The following KIRREL3 variants were observed in gnomAD, a reference collection of about 807,000 sequenced individuals.
KIRREL3 encodes kirre like nephrin family adhesion molecule 3, also known as kin of IRRE-like protein 3.
A neutral mutation model predicts 89.7 loss-of-function variants in KIRREL3; 36 were observed. The ratio of observed to expected loss-of-function variants is 0.40; its 90% CI spans 0.31 to 0.53. The LOEUF is 0.53. Among genes scored for constraint, KIRREL3 ranks in the 20% least tolerant of loss-of-function variants. The pLI is 0.49. For synonymous variants in KIRREL3, 445 were observed against 441.4 expected, an observed-to-expected ratio of 1.01 and a Z score of -0.10; for missense variants, 864 against 1,056.6, an observed-to-expected ratio of 0.82 and a Z score of 2.53.
In KIRREL3 at chr11:126,969,539, G is replaced by C. The variant is rs1379162780; in HGVS notation, c.55+30916C>G. On this transcript the variant is annotated intron_variant, in intron 1 of 16. Transcript: ENST00000525144. This position sits in a 1 kb window ranked among gnomAD's most constrained non-coding sequence, Gnocchi z 4.9. ...AGGGCGGAGGCTGTGGGTAGCAATG[G>C]AGCATGGTGTGTTCAGAGCCAGCCA... Among the ~76,000 whole-genome samples the C allele has an allele frequency of 6.6e-6, 1 of 152,120 alleles. No homozygotes were observed. The highest frequency in any genetic ancestry group is 2.4e-5 in the African/African-American group (1 of 41,414).
intron 1 of KIRREL3, among the ~76,000 whole-genome samples, chr11:126,913,483 A>T (rs1006163010): frequency 1.3e-5 from 2 of 152,218 alleles, no homozygotes; most frequent in East Asian, 3.9e-4. Context: ...ACTGACTGTA[A>T]ACGCAGAGTG....
At chr11:126,585,675 G>A (rs1272729200) in intron 1 of KIRREL3, among the ~76,000 whole-genome samples, 1 of 152,254 alleles carries the variant, frequency 6.6e-6, no homozygotes, top group Non-Finnish European at 1.5e-5. Flanking sequence ...AAGTGGCAGA[G>A]GCCCCGGGGG....
At chr11:126,842,522 A>C (rs1177844990) in intron 1 of KIRREL3, among the ~76,000 whole-genome samples, 1 of 152,108 alleles carries the variant, frequency 6.6e-6, no homozygotes, top group African/African-American at 2.4e-5. Flanking sequence ...CTTCTTTTTC[A>C]GACTAAGTCC....
At position 126,429,959 on chromosome 11, in the gene KIRREL3, AC is replaced by A. The variant is rs1955068819; in HGVS notation, c.1697-672del. 6.6e-6 allele frequency among the ~76,000 whole-genome samples: 1 copy of A among 151,646 alleles called. No homozygotes were observed. Among genetic ancestry groups the A allele is most frequent in the Non-Finnish European group, 1.5e-5 (1 of 67,958 alleles). ...ACACCAGCCTGGCCAACATGGTGAA[AC>A]CCCGTCTCTATTAAAAATCCAAAAA... On this transcript the variant is annotated intron_variant, in intron 14 of 16. Transcript: ENST00000525144. The surrounding 1 kb of genome is among the most constrained non-coding windows in gnomAD (Gnocchi z 5.2).
At position 126,551,972 on chromosome 11, in the gene KIRREL3, A is replaced by G. The variant is rs1939301732; in HGVS notation, c.133+10863T>C. Among the ~76,000 whole-genome samples the G allele has an allele frequency of 6.6e-6, 1 of 152,194 alleles. No individual in the cohort carries two copies. Among genetic ancestry groups the G allele is most frequent in the Non-Finnish European group, 1.5e-5 (1 of 68,030 alleles). ...GCAGGCTTTCTTTAGATTTGAAGAA[A>G]AGATTCCAAAACCAGGAGTGGTCCC... On this transcript the variant is annotated intron_variant, in intron 2 of 16. Coordinates refer to ENST00000525144, the MANE Select transcript of KIRREL3 (RefSeq NM_032531.4). This position sits in a 1 kb window ranked among gnomAD's most constrained non-coding sequence, Gnocchi z 4.9.
rs542204185 is a variant in KIRREL3 at position 126,491,203 on chromosome 11, A to C, written c.434-17737T>G. Among the ~76,000 whole-genome samples the C allele has an allele frequency of 6.6e-6, 1 of 152,188 alleles. No homozygotes were observed. The highest frequency in any genetic ancestry group is 1.5e-5 in the Non-Finnish European group (1 of 68,036). On this transcript the variant is annotated intron_variant, in intron 4 of 16. Coordinates refer to ENST00000525144, the MANE Select transcript of KIRREL3 (RefSeq NM_032531.4). This position sits in a 1 kb window ranked among gnomAD's most constrained non-coding sequence, Gnocchi z 5.5. ...CCGGGCGTCAGCGTCTGCATCTGAA[A>C]GTGGGCATGGCGGTGAAACCACCTG...
At chr11:126,859,817 T>C (rs919293142) in intron 1 of KIRREL3, among the ~76,000 whole-genome samples, 15 of 152,340 alleles carry the variant, frequency 9.8e-5, no homozygotes, top group African/African-American at 3.1e-4. Context: ...ATGAGGCAGC[T>C]AGGGTTGCTT....
At chr11:126,841,722 G>A (rs568581369) in intron 1 of KIRREL3, among the ~76,000 whole-genome samples, 1 of 152,308 alleles carries the variant, frequency 6.6e-6, no homozygotes, top group South Asian at 2.1e-4. Context: ...ATTAGCTCCT[G>A]TGCACCCTAC....
At chr11:126,738,811 G>A (rs986153644) in intron 1 of KIRREL3, among the ~76,000 whole-genome samples, 1 of 152,184 alleles carries the variant, frequency 6.6e-6, no homozygotes, top group African/African-American at 2.4e-5. Context: ...AAAAGTTTAT[G>A]AAGACGAGAA....
rs1940221364 is a variant in KIRREL3 at position 126,562,758 on chromosome 11, T to A, written c.133+77A>T. 12 of 1,231,650 alleles carry A rather than the reference T, an allele frequency of 9.7e-6. No homozygotes were observed. The South Asian group carries it at 1.5e-4, about 16-fold the overall frequency. 76.3% of individuals were successfully genotyped at this position (1,231,650 alleles called of 1,614,324 possible). A position where few individuals can be genotyped will look rare whatever the true frequency, so the allele number is the denominator to read the frequency against. On this transcript the variant is annotated intron_variant, in intron 2 of 16. Coordinates refer to ENST00000525144, the MANE Select transcript of KIRREL3 (RefSeq NM_032531.4). This position sits in a 1 kb window ranked among gnomAD's most constrained non-coding sequence, Gnocchi z 4.7. ...GAGGTCCCAGGTTCTTATTCCTGGT[T>A]CCTCTGTCCTGTGGCTGTAGGGGAG...
At position 126,843,905 on chromosome 11, in the gene KIRREL3, G is replaced by A. The variant is rs1434626290; in HGVS notation, c.55+156550C>T. On this transcript the variant is annotated intron_variant, in intron 1 of 16. Coordinates refer to ENST00000525144, the MANE Select transcript of KIRREL3 (RefSeq NM_032531.4). This position sits in a 1 kb window ranked among gnomAD's most constrained non-coding sequence, Gnocchi z 4.6. ...ACCCTACCTGGGCTCAAAAGGGGAG[G>A]CATGAATAATCCCCTTGTTTAGCAT... Among the ~76,000 whole-genome samples the A allele has an allele frequency of 6.6e-6, 1 of 152,170 alleles. No individual in the cohort carries two copies. The highest frequency in any genetic ancestry group is 2.4e-5 in the African/African-American group (1 of 41,440).
Position 126,524,226 on chromosome 11 carries a change from A to C in KIRREL3, c.283+2312T>G, listed in dbSNP as rs1001996815. The stretch of plus-strand genomic sequence containing the variant: ...TTTATGGGGACAATACCAGTACCTC[A>C]TAAGGTTATGGTGAAGGTTAAATAG... On this transcript the variant is annotated intron_variant, in intron 3 of 16. Transcript: ENST00000525144. 3.3e-5 allele frequency among the ~76,000 whole-genome samples: 5 copies of C among 152,330 alleles called. No individual in the cohort carries two copies. The East Asian group carries it at 9.6e-4, about 29-fold the overall frequency.
In KIRREL3 at chr11:126,978,659, TCTC is replaced by T. The variant is rs371013268; in HGVS notation, c.55+21793_55+21795del. ...GGCTTTAGCACCTGCTACTCCCTCT[TCTC>T]CTCATCCCGCTCTCTGCCCATTTTC... On this transcript the variant is annotated intron_variant, in intron 1 of 16. Coordinates refer to ENST00000525144, the MANE Select transcript of KIRREL3 (RefSeq NM_032531.4). The surrounding 1 kb of genome is among the most constrained non-coding windows in gnomAD (Gnocchi z 4.2). Among the ~76,000 whole-genome samples, 85 of 152,172 alleles carry T rather than the reference TCTC, an allele frequency of 5.6e-4. No homozygotes were observed. Among genetic ancestry groups the T allele is most frequent in the African/African-American group, 2.0e-3 (82 of 41,532 alleles).
In KIRREL3 at chr11:126,995,975, GA is replaced by G. The variant is rs1464131325; in HGVS notation, c.55+4479del. ...GCCAAATCCTCCTCTGTACACCCAA[GA>G]GGGGGACCCCATGGTATCCTCTTAG... is the stretch of plus-strand genomic sequence containing the variant. On this transcript the variant is annotated intron_variant, in intron 1 of 16. Coordinates refer to ENST00000525144, the MANE Select transcript of KIRREL3 (RefSeq NM_032531.4). This position sits in a 1 kb window ranked among gnomAD's most constrained non-coding sequence, Gnocchi z 6.5. 6.6e-6 allele frequency among the ~76,000 whole-genome samples: 1 copy of G among 152,116 alleles called. No individual in the cohort carries two copies. The highest frequency in any genetic ancestry group is 1.5e-5 in the Non-Finnish European group (1 of 68,016).
intron 1 of KIRREL3, among the ~76,000 whole-genome samples, chr11:126,861,605 A>T (rs1003702975): frequency 6.6e-6 from 1 of 152,208 alleles, no homozygotes; most frequent in Non-Finnish European, 1.5e-5. Context: ...ATTCACAAAA[A>T]GTCTCTGGCC....
chr11:126,757,445 T>A (rs1431373876), intron 1 of KIRREL3, among the ~76,000 whole-genome samples: 1 of 152,186 alleles, frequency 6.6e-6, no homozygotes, highest in Non-Finnish European at 1.5e-5. Flanking sequence ...TTTGGGCATT[T>A]CCTAAGCAAT....
chr11:126,794,884 C>A (rs1345745175), intron 1 of KIRREL3, among the ~76,000 whole-genome samples: 2 of 152,168 alleles, frequency 1.3e-5, no homozygotes, highest in Non-Finnish European at 2.9e-5. Flanking sequence ...ACTGTGGTAC[C>A]TCCACACAGT....
chr11:126,630,652 A>G (rs1943981214), intron 1 of KIRREL3, among the ~76,000 whole-genome samples: 1 of 152,004 alleles, frequency 6.6e-6, no homozygotes, highest in Non-Finnish European at 1.5e-5. Context: ...AGGGTTTCTG[A>G]TCTTGGCTTA....
At chr11:126,548,566 T>C (rs1939003444) in intron 2 of KIRREL3, among the ~76,000 whole-genome samples, 1 of 152,224 alleles carries the variant, frequency 6.6e-6, no homozygotes, top group African/African-American at 2.4e-5. Context: ...GGTAGCAGGT[T>C]TGGGGTCCCC....
Sources: gnomAD v4.1 joint callset for allele counts (sites outside exome capture counted in the v4.1 genomes callset) on GRCh38, gnomAD v4.1.1 for gene constraint, Gnocchi (gnomAD v3.1) non-coding constraint, MANE v1.5 for transcripts, NCBI Gene and HGNC (gene_info 2026-07-23, HGNC 2026-07-21) for gene names.